HPX: variants seen among roughly 807,000 people sequenced by gnomAD.
HPX encodes the protein beta-1B-glycoprotein.
Under a neutral mutation model 53.8 loss-of-function variants are expected in HPX, and 42 were observed. The observed-to-expected ratio is 0.78, with a 90% CI of 0.61 to 1.01. The LOEUF (loss-of-function observed/expected upper bound fraction) is 1.01. Ranked by LOEUF, HPX falls within the 50% of genes least tolerant of loss-of-function variation. HPX has a pLI of 0.00. For synonymous variants in HPX, 229 were observed against 221.1 expected (o/e 1.04, Z -0.32); for missense variants, 547 against 594.3 (o/e 0.92, Z 0.83).
At position 6,440,748 on chromosome 11, in the gene HPX, G is replaced by A. The variant is rs12287375; in HGVS notation, c.84-18C>T. On this transcript the variant is annotated intron_variant, in intron 1 of 9. Coordinates refer to ENST00000265983, the MANE Select transcript of HPX (RefSeq NM_000613.3). Reference sequence around the variant, plus strand: ...CACTAGTCCTAGGGAGAACAAAATAGATATCTTGATCCATTGGGACCGATC... The same window carrying A: ...CACTAGTCCTAGGGAGAACAAAATAAATATCTTGATCCATTGGGACCGATC... The A allele has an allele frequency of 6.2e-7, 1 of 1,612,608 alleles. No individual in the cohort carries two copies. The highest frequency in any genetic ancestry group is 1.1e-5 in the South Asian group (1 of 91,052).
intron 6 of HPX, 33 bp from the exon 7 acceptor site, chr11:6,437,210 A>G: frequency 6.3e-7 from 1 of 1,599,156 alleles, no homozygotes; most frequent in Non-Finnish European, 8.5e-7. Context: ...AGAACACAGA[A>G]GGAGGCCAGA....
chr11:6,438,585 C>T (rs1437026836), intron 4 of HPX, 76 bp from the exon 5 acceptor site: 6 of 1,336,358 alleles, frequency 4.5e-6, no homozygotes, highest in Non-Finnish European at 6.4e-6. Context: ...CATTTTTTAT[C>T]TACTGTGCTT....
rs770984618 is a variant in HPX, at chr11:6,440,916, T to G, written c.48A>C (p.Leu16=). 2.5e-6 allele frequency: 4 copies of G among 1,612,588 alleles called. No homozygotes were observed. The highest frequency in any genetic ancestry group is 2.7e-5 in the African/African-American group (2 of 74,888). Residue 16 remains leucine (L), a synonymous_variant, in exon 1 of 10, where the codon CTA becomes CTC. Transcript: ENST00000265983. ...GAPVALGLWS[L]CWSLAIATPL... ...GGGTGGCAATGGCCAGAGACCAGCA[T>G]AGGCTCCACAACCCCAGTGCAACGG...
chr11:6,432,106 AGG>A, intron 7 of HPX, 89 bp from the exon 8 acceptor site: 1 of 1,473,914 alleles, frequency 6.8e-7, no homozygotes, highest in Non-Finnish European at 9.4e-7. Context: ...GAGTCATGAG[AGG>A]GAGAGAATGC....
At chr11:6,435,412 G>GTATA (rs111433327) in intron 7 of HPX, among the ~76,000 whole-genome samples, 92 of 149,046 alleles carry the variant, frequency 6.2e-4, no homozygotes, top group African/African-American at 2.1e-3. Context: ...CCTCAGCTAG[G>GTATA]TATATATATA....
intron 4 of HPX, chr11:6,439,466 G>C (rs1287335879): frequency 1.3e-5 from 2 of 152,554 alleles, no homozygotes; most frequent in African/African-American, 4.8e-5. Flanking sequence ...ATTGGAAAGA[G>C]ATGTCTGGAG....
intron 4 of HPX, 197 bp downstream of exon 4, chr11:6,439,968 G>C (rs1849462442): frequency 1.5e-6 from 1 of 658,754 alleles, no homozygotes; most frequent in Non-Finnish European, 2.7e-6. Context: ...CTGAAGAACA[G>C]CCACTGGATG....
intron 7 of HPX, among the ~76,000 whole-genome samples, chr11:6,435,748 G>A (rs1849408263): frequency 6.6e-6 from 1 of 152,228 alleles, no homozygotes; most frequent in African/African-American, 2.4e-5. Context: ...GACTCACCAC[G>A]CCCGGCCTGG....
rs1489438065 is a variant in HPX at position 6,431,858 on chromosome 11, C to G, written c.966+29G>C. The stretch of plus-strand genomic sequence containing the variant: ...GAGTTGGATATGCTTGTCCCAGTCT[C>G]TACCTCAAGCCTCTCCCCCAATACA... On this transcript the variant is annotated intron_variant, in intron 8 of 9. Transcript: ENST00000265983. The G allele has an allele frequency of 2.5e-6, 4 of 1,614,002 alleles. No homozygotes were observed. The Admixed American group carries it at 5.0e-5, about 20-fold the overall frequency.
At chr11:6,440,591 A>AC (rs1849471036) in intron 2 of HPX, 53 bp from the exon 3 acceptor site, 1 of 1,321,982 alleles carries the variant, frequency 7.6e-7, no homozygotes, top group Admixed American at 2.2e-5. Context: ...AAAAAAAAAA[A>AC]AAAAAAAAAA....
Position 6,431,685 on chromosome 11 carries a change from G to A in HPX, c.1085C>T (p.Ala362Val), listed in dbSNP as rs779098616. ...AGAAGACCCAGGGCAGATAAAGGCCGCATCCACAGAGTCCAGGATAATCCC... is the reference window on the plus strand; with the variant it reads ...AGAAGACCCAGGGCAGATAAAGGCCACATCCACAGAGTCCAGGATAATCCC... Reference protein sequence around the residue: ...PHGIILDSVDAAFICPGSSRL... With the variant: ...PHGIILDSVDVAFICPGSSRL... Residue 362 changes from alanine to valine, a missense_variant, in exon 9 of 10, where the codon GCG becomes GTG. Coordinates refer to ENST00000265983, the MANE Select transcript of HPX (RefSeq NM_000613.3). The A allele has an allele frequency of 2.6e-5, 42 of 1,614,114 alleles. No individual in the cohort carries two copies. Among genetic ancestry groups the A allele is most frequent in the Non-Finnish European group, 2.8e-5 (33 of 1,180,022 alleles).
chr11:6,435,782 C>T lies in HPX; in HGVS notation c.835+1264G>A, dbSNP rs561057831. On this transcript the variant is annotated intron_variant, in intron 7 of 9. Coordinates refer to ENST00000265983, the MANE Select transcript of HPX (RefSeq NM_000613.3). ...GGGTATTTTTAATATAAGGTGTTCT[C>T]TCCATGCTGTGGGCTCTCTCAACAG... Among the ~76,000 whole-genome samples, 12 of 152,354 alleles carry T rather than the reference C, an allele frequency of 7.9e-5. No individual in the cohort carries two copies. The East Asian group carries it at 2.3e-3, about 29-fold the overall frequency.
chr11:6,436,602 A>G (rs919467607), intron 7 of HPX, among the ~76,000 whole-genome samples: 1 of 152,232 alleles, frequency 6.6e-6, no homozygotes, highest in African/African-American at 2.4e-5. Flanking sequence ...GTCTGGACAT[A>G]GGAACCAGGA....
chr11:6,433,116 C>T (rs1280258242), intron 7 of HPX, among the ~76,000 whole-genome samples: 1 of 152,210 alleles, frequency 6.6e-6, no homozygotes, highest in African/African-American at 2.4e-5. Context: ...TTGCTGAGTC[C>T]ACGAAAGCTG....
chr11:6,438,639 T>A, intron 4 of HPX, 130 bp from the exon 5 acceptor site: 1 of 796,300 alleles, frequency 1.3e-6, no homozygotes, highest in Non-Finnish European at 2.0e-6. Flanking sequence ...AGTCCATCTG[T>A]GGACAACAAT....
At chr11:6,435,608 G>A (rs1011190846) in intron 7 of HPX, among the ~76,000 whole-genome samples, 8 of 151,932 alleles carry the variant, frequency 5.3e-5, no homozygotes, top group African/African-American at 1.7e-4. Flanking sequence ...TACCACACCC[G>A]ACTAATTTTT....
intron 7 of HPX, among the ~76,000 whole-genome samples, chr11:6,435,957 C>G (rs776068913): frequency 6.6e-6 from 1 of 152,032 alleles, no homozygotes; most frequent in Non-Finnish European, 1.5e-5. Context: ...CAATCTCTCA[C>G]TCACTCTCTC....
chr11:6,432,208 A>T, intron 7 of HPX, 191 bp from the exon 8 acceptor site: 1 of 630,912 alleles, frequency 1.6e-6, no homozygotes, highest in South Asian at 2.0e-5. Flanking sequence ...CCTGGCTGAA[A>T]CTGGAATCAG....
intron 7 of HPX, among the ~76,000 whole-genome samples, chr11:6,435,686 G>A (rs1025462903): frequency 1.3e-5 from 2 of 152,200 alleles, no homozygotes; most frequent in Middle Eastern, 3.4e-3. Context: ...GGCTCAAGCC[G>A]CTCAAGCAAT....
Sources: gnomAD v4.1 joint callset for allele counts (sites outside exome capture counted in the v4.1 genomes callset) on GRCh38, gnomAD v4.1.1 for gene constraint, MANE v1.5 for transcripts, NCBI Gene and HGNC (gene_info 2026-07-23, HGNC 2026-07-21) for gene names.